The following MICU1 variants were observed in gnomAD, a reference collection of about 807,000 sequenced individuals.
MICU1 encodes the protein mitochondrial calcium uptake 1, also known as calcium uptake protein 1, mitochondrial.
Under a neutral mutation model 56.8 loss-of-function variants are expected in MICU1, and 45 were observed. The observed-to-expected ratio is 0.79, with a 90% CI of 0.62 to 1.02. MICU1 has a LOEUF of 1.02. Among genes scored for constraint, MICU1 ranks in the 50% least tolerant of loss-of-function variants. MICU1 has a pLI of 0.00. For synonymous variants in MICU1, 186 were observed against 195.1 expected (o/e 0.95, Z 0.39); for missense variants, 504 against 587.1 (o/e 0.86, Z 1.46).
intron 9 of MICU1, among the ~76,000 whole-genome samples, chr10:72,420,815 A>G (rs1864134396): frequency 6.6e-6 from 1 of 151,794 alleles, no homozygotes; most frequent in Admixed American, 6.6e-5. Context: ...AGCTGCGACT[A>G]CATGCACGTG....
At position 72,566,797 on chromosome 10, in the gene MICU1, G is replaced by C. The variant is rs1307924774; in HGVS notation, c.-1-3C>G. ...AAAGTGAGTTCAGACGAAACATCCT[G>C]TGGACAATAAGTAGAAATGTCACTC... On this transcript the variant is annotated splice_region_variant and splice_polypyrimidine_tract_variant and intron_variant, in intron 1 of 11. Coordinates refer to ENST00000361114, the MANE Select transcript of MICU1 (RefSeq NM_001195518.2). 6.2e-7 allele frequency: 1 copy of C among 1,605,920 alleles called. No individual in the cohort carries two copies. The highest frequency in any genetic ancestry group is 1.1e-5 in the South Asian group (1 of 89,698).
At chr10:72,446,231 C>T (rs1042611182) in intron 8 of MICU1, among the ~76,000 whole-genome samples, 5 of 152,064 alleles carry the variant, frequency 3.3e-5, no homozygotes, top group African/African-American at 1.2e-4. Flanking sequence ...GAGTTGGATC[C>T]TGAGTATGAA....
chr10:72,396,898 A>C (rs1223079107), intron 10 of MICU1, among the ~76,000 whole-genome samples: 2 of 152,206 alleles, frequency 1.3e-5, no homozygotes, highest in Admixed American at 1.3e-4. Flanking sequence ...CAACCTAGCA[A>C]GGCAGGCCAA....
intron 1 of MICU1, among the ~76,000 whole-genome samples, chr10:72,601,483 A>G (rs1841533129): frequency 6.6e-6 from 1 of 151,380 alleles, no homozygotes; most frequent in South Asian, 2.1e-4. Flanking sequence ...AAAAAGAAAG[A>G]AAAAAGTAAA....
intron 8 of MICU1, among the ~76,000 whole-genome samples, chr10:72,453,721 G>A (rs1865367625): frequency 6.6e-6 from 1 of 151,828 alleles, no homozygotes; most frequent in Non-Finnish European, 1.5e-5. Flanking sequence ...AGTAGAGACA[G>A]GATTTCACCA....
At position 72,442,453 on chromosome 10, in the gene MICU1, A is replaced by G. The variant is rs536119149; in HGVS notation, c.934-19082T>C. On this transcript the variant is annotated intron_variant, in intron 8 of 11. Transcript: ENST00000361114. ...GCCACCACGCCTGGCCAATTTTCAT[A>G]GCGATAAAATGTAAACATGAGACCT... is the stretch of plus-strand genomic sequence containing the variant. Among the ~76,000 whole-genome samples the G allele has an allele frequency of 8.5e-5, 13 of 152,260 alleles. No homozygotes were observed. In the South Asian group the frequency reaches 2.5e-3, roughly 29 times the overall value.
chr10:72,586,000 T>G (rs1305913453), intron 1 of MICU1, among the ~76,000 whole-genome samples: 3 of 136,716 alleles, frequency 2.2e-5, no homozygotes, highest in Admixed American at 7.9e-5. Context: ...TTTTATTTTT[T>G]CTTTTTTTTT....
Position 72,410,024 on chromosome 10 carries a change from T to A in MICU1, c.1072-1987A>T, listed in dbSNP as rs1043246646. On this transcript the variant is annotated intron_variant, in intron 9 of 11. Transcript: ENST00000361114. ...CTTTTAGGGAATTCATTTCCTTGCT[T>A]TTTTTAAAAATAGCATTTTTATATG... Among the ~76,000 whole-genome samples, 18 of 152,310 alleles carry A rather than the reference T, an allele frequency of 1.2e-4. No individual in the cohort carries two copies. In the South Asian group the frequency reaches 3.7e-3, roughly 32 times the overall value.
At chr10:72,543,751 G>A (rs1462894430) in intron 4 of MICU1, among the ~76,000 whole-genome samples, 1 of 151,914 alleles carries the variant, frequency 6.6e-6, no homozygotes, top group Non-Finnish European at 1.5e-5. Context: ...GCTGGAGGCT[G>A]AGGCAAGAGA....
intron 1 of MICU1, among the ~76,000 whole-genome samples, chr10:72,597,057 T>C (rs1274472004): frequency 6.6e-6 from 1 of 152,184 alleles, no homozygotes; most frequent in Non-Finnish European, 1.5e-5. Flanking sequence ...GTGGGAACTC[T>C]GTACTTTTTG....
chr10:72,615,150 C>T (rs186254631), intron 1 of MICU1, among the ~76,000 whole-genome samples: 1 of 152,116 alleles, frequency 6.6e-6, no homozygotes, highest in Admixed American at 6.6e-5. Flanking sequence ...CTCAGTCTCA[C>T]TCTGTTGCCT....
intron 6 of MICU1, among the ~76,000 whole-genome samples, chr10:72,488,860 A>G (rs189603505): frequency 1.2e-4 from 19 of 152,354 alleles, no homozygotes; most frequent in African/African-American, 4.1e-4. Context: ...TTCAAGCCCA[A>G]GACTATACCA....
At chr10:72,597,019 GA>G (rs1050588723) in intron 1 of MICU1, among the ~76,000 whole-genome samples, 21 of 152,056 alleles carry the variant, frequency 1.4e-4, no homozygotes, top group Non-Finnish European at 5.9e-5. Flanking sequence ...AAAAATAGGG[GA>G]AATTGGGGGG....
At chr10:72,453,190 T>A (rs145907855) in intron 8 of MICU1, among the ~76,000 whole-genome samples, 16 of 152,318 alleles carry the variant, frequency 1.1e-4, no homozygotes, top group African/African-American at 3.8e-4. Flanking sequence ...CAAAACCACA[T>A]TAACATCACC....
At chr10:72,542,337 A>C (rs1839793306) in intron 4 of MICU1, among the ~76,000 whole-genome samples, 1 of 152,224 alleles carries the variant, frequency 6.6e-6, no homozygotes, top group African/African-American at 2.4e-5. Context: ...GTAGATGGCC[A>C]ATCCCTGCTC....
intron 6 of MICU1, chr10:72,483,217 C>A (rs1161035818): frequency 6.6e-6 from 1 of 152,242 alleles, no homozygotes; most frequent in Non-Finnish European, 1.5e-5. Context: ...GCCACTGGGT[C>A]CTTTTAGCCA....
intron 8 of MICU1, among the ~76,000 whole-genome samples, chr10:72,444,698 C>T (rs1865053742): frequency 1.3e-5 from 2 of 152,204 alleles, no homozygotes; most frequent in African/African-American, 4.8e-5. Flanking sequence ...ATCCACCTAA[C>T]TTGGCCTCCC....
chr10:72,557,706 A>G (rs563547335), intron 3 of MICU1, among the ~76,000 whole-genome samples: 77 of 152,332 alleles, frequency 5.1e-4, no homozygotes, highest in African/African-American at 1.8e-3. Flanking sequence ...ATATATGTAT[A>G]TAAGTGAATG....
intron 1 of MICU1, among the ~76,000 whole-genome samples, chr10:72,567,044 A>G (rs898577119): frequency 6.6e-6 from 1 of 152,192 alleles, no homozygotes; most frequent in African/African-American, 2.4e-5. Context: ...TGAGTATGAA[A>G]CTTTTAATAT....
Sources: gnomAD v4.1 joint callset for allele counts (sites outside exome capture counted in the v4.1 genomes callset) on GRCh38, gnomAD v4.1.1 for gene constraint, MANE v1.5 for transcripts, NCBI Gene and HGNC (gene_info 2026-07-23, HGNC 2026-07-21) for gene names.